Variants in SLC60A1 observed in about 807,000 individuals in gnomAD.
SLC60A1 encodes the protein major facilitator superfamily domain containing 4.
chr1:205,600,430 G>A, the SLC60A1 span: 2 of 1,614,164 alleles, frequency 1.2e-6, no homozygotes, highest in Non-Finnish European at 1.7e-6. Flanking sequence ...AGATCAATTG[G>A]AATGGAAAAC....
the SLC60A1 span, among the ~76,000 whole-genome samples, chr1:205,570,194 C>T: frequency 7.1e-4 from 108 of 152,326 alleles, no homozygotes; most frequent in Non-Finnish European, 1.3e-3. Context: ...GGGCCACCTC[C>T]GGGCTCCCTT....
chr1:205,571,320 A>G, the SLC60A1 span, among the ~76,000 whole-genome samples: 1 of 152,226 alleles, frequency 6.6e-6, no homozygotes, highest in Non-Finnish European at 1.5e-5. Flanking sequence ...TAAGACAGAT[A>G]CTTAGGCAAT....
the SLC60A1 span, among the ~76,000 whole-genome samples, chr1:205,573,350 C>T: frequency 1.3e-5 from 2 of 151,684 alleles, no homozygotes; most frequent in African/African-American, 2.4e-5. Flanking sequence ...AACCAGGAGG[C>T]GGAGGTTGCA....
chr1:205,580,814 C>T, the SLC60A1 span: 62 of 1,614,182 alleles, frequency 3.8e-5, no homozygotes, highest in Non-Finnish European at 2.5e-5. This position sits in a 1 kb window ranked among gnomAD's most constrained non-coding sequence, Gnocchi z 5.0. Flanking sequence ...GGGCCAGCAC[C>T]ACGTAGATGC....
At chr1:205,569,899 C>T in the SLC60A1 span, among the ~76,000 whole-genome samples, 19 of 152,142 alleles carry the variant, frequency 1.2e-4, no homozygotes, top group Admixed American at 7.2e-4. Flanking sequence ...TTCTGTGTAG[C>T]CCTCCTCCTG....
the SLC60A1 span, chr1:205,580,086 C>A: frequency 1.1e-6 from 1 of 947,240 alleles, no homozygotes. This position sits in a 1 kb window ranked among gnomAD's most constrained non-coding sequence, Gnocchi z 5.0. Context: ...CTCGGTTTTC[C>A]CATCTCTAAA....
chr1:205,578,127 A>T, the SLC60A1 span, among the ~76,000 whole-genome samples: 1 of 152,096 alleles, frequency 6.6e-6, no homozygotes, highest in Non-Finnish European at 1.5e-5. Context: ...TCTTCGAGAG[A>T]GTTTTTGCAC....
At chr1:205,580,492 C>A in the SLC60A1 span, among the ~76,000 whole-genome samples, 1 of 152,174 alleles carries the variant, frequency 6.6e-6, no homozygotes, top group Non-Finnish European at 1.5e-5. The surrounding 1 kb of genome is among the most constrained non-coding windows in gnomAD (Gnocchi z 5.0). Context: ...CTGCTTCCTG[C>A]ACCCATGGCT....
chr1:205,595,173 C>T, the SLC60A1 span: 1 of 152,284 alleles, frequency 6.6e-6, no homozygotes, highest in Non-Finnish European at 1.5e-5. Context: ...CTGATCACAA[C>T]CTCCAGATCT....
the SLC60A1 span, chr1:205,569,156 C>T: frequency 1.9e-6 from 3 of 1,539,506 alleles, no homozygotes; most frequent in Non-Finnish European, 2.6e-6. Context: ...TCAGCTTCGG[C>T]CTGTGCATCG....
At chr1:205,570,709 C>T in the SLC60A1 span, among the ~76,000 whole-genome samples, 2 of 152,198 alleles carry the variant, frequency 1.3e-5, no homozygotes, top group African/African-American at 4.8e-5. Flanking sequence ...ACAGAAGATT[C>T]AGAAAATCTT....
At chr1:205,592,312 GGC>G in the SLC60A1 span, 22 of 1,597,804 alleles carry the variant, frequency 1.4e-5, no homozygotes, top group Non-Finnish European at 1.7e-5. Flanking sequence ...CGAGCCAGGA[GGC>G]GCGCTCTATC....
At chr1:205,569,743 G>C in the SLC60A1 span, among the ~76,000 whole-genome samples, 7 of 152,152 alleles carry the variant, frequency 4.6e-5, no homozygotes, top group Admixed American at 6.5e-5. Flanking sequence ...TGGAAGGACC[G>C]TGGGAGGGCC....
the SLC60A1 span, among the ~76,000 whole-genome samples, chr1:205,573,846 C>T: frequency 5.3e-5 from 8 of 152,108 alleles, no homozygotes; most frequent in South Asian, 2.1e-4. Flanking sequence ...TACAGGCATG[C>T]GCTGCCACAC....
At chr1:205,582,070 G>T in the SLC60A1 span, among the ~76,000 whole-genome samples, 1 of 152,136 alleles carries the variant, frequency 6.6e-6, no homozygotes, top group Non-Finnish European at 1.5e-5. Flanking sequence ...TCCTCTGGGG[G>T]CTCTCATAAA....
chr1:205,597,833 C>CA, the SLC60A1 span: 1 of 1,614,000 alleles, frequency 6.2e-7, no homozygotes, highest in Non-Finnish European at 8.5e-7. Context: ...GATGGTGCTG[C>CA]AGATGCTGGT....
At chr1:205,582,083 C>T in the SLC60A1 span, among the ~76,000 whole-genome samples, 1 of 152,190 alleles carries the variant, frequency 6.6e-6, no homozygotes. Context: ...CTCATAAACC[C>T]ACCCTCTCCG....
At chr1:205,588,197 C>T in the SLC60A1 span, among the ~76,000 whole-genome samples, 8 of 152,050 alleles carry the variant, frequency 5.3e-5, no homozygotes, top group East Asian at 1.9e-4. Flanking sequence ...AAAGGCCAGG[C>T]GCGGTGGCTC....
the SLC60A1 span, among the ~76,000 whole-genome samples, chr1:205,570,421 A>G: frequency 8.1e-6 from 1 of 124,152 alleles, no homozygotes; most frequent in Non-Finnish European, 1.7e-5. Context: ...AAACCTCTGG[A>G]GGGGCCGTTC....
Sources: gnomAD v4.1 joint callset for allele counts (sites outside exome capture counted in the v4.1 genomes callset) on GRCh38, gnomAD v4.1.1 for gene constraint, Gnocchi (gnomAD v3.1) non-coding constraint, MANE v1.5 for transcripts, NCBI Gene and HGNC (gene_info 2026-07-23, HGNC 2026-07-21) for gene names.